CNTN4: variants seen among roughly 807,000 people sequenced by gnomAD.
The protein encoded by CNTN4 is contactin 4, also known as contactin-4.
A neutral mutation model predicts 122.5 loss-of-function variants in CNTN4; 77 were observed. The ratio of observed to expected loss-of-function variants is 0.63; its 90% CI spans 0.52 to 0.76. The LOEUF (loss-of-function observed/expected upper bound fraction) is 0.76, where lower values mean the gene tolerates loss of function less well. Among genes scored for constraint, CNTN4 ranks in the 30% least tolerant of loss-of-function variants. The pLI is 0.00. For synonymous variants in CNTN4, 512 were observed against 447.0 expected, an observed-to-expected ratio of 1.15 and a Z score of -1.83; for missense variants, 1,256 against 1,259.1, an observed-to-expected ratio of 1.00 and a Z score of 0.04.
chr3:2,205,996 G>A (rs965405743), intron 2 of CNTN4, among the ~76,000 whole-genome samples: 3 of 152,072 alleles, frequency 2.0e-5, no homozygotes, highest in Non-Finnish European at 4.4e-5. Flanking sequence ...ATACTCGGAA[G>A]GGTATTCCAG....
At chr3:2,375,560 G>A (rs187770919) in intron 3 of CNTN4, among the ~76,000 whole-genome samples, 47 of 152,290 alleles carry the variant, frequency 3.1e-4, no homozygotes, top group Admixed American at 1.2e-3. Flanking sequence ...GGCAATGGAG[G>A]AGGCAGGTGA....
chr3:2,844,400 A>C (rs997677771), intron 7 of CNTN4, among the ~76,000 whole-genome samples: 10 of 152,210 alleles, frequency 6.6e-5, no homozygotes, highest in African/African-American at 2.4e-4. Context: ...AGTAGAATGA[A>C]TATGTAATAT....
chr3:2,409,198 G>A (rs527924045), intron 3 of CNTN4, among the ~76,000 whole-genome samples: 11 of 149,032 alleles, frequency 7.4e-5, no homozygotes, highest in Middle Eastern at 7.1e-3. Context: ...TAATAAAAAC[G>A]TTTGTTACTT....
At chr3:2,550,054 G>T (rs1177251990) in intron 3 of CNTN4, among the ~76,000 whole-genome samples, 3 of 151,866 alleles carry the variant, frequency 2.0e-5, no homozygotes, top group Non-Finnish European at 4.4e-5. Flanking sequence ...CATCCCCTTG[G>T]TCATTTTTTA....
rs114268421 is a variant in CNTN4 at position 2,435,530 on chromosome 3, G to T, written c.-89+96297G>T. ...TATTAGGGAGAGGCCAACTGTATAA[G>T]CTGTATACAATCTGTAATAGTGACC... is the stretch of plus-strand genomic sequence containing the variant. On this transcript the variant is annotated intron_variant, in intron 3 of 24. Coordinates refer to ENST00000418658, the MANE Select transcript of CNTN4 (RefSeq NM_175607.3). Among the ~76,000 whole-genome samples, 499 of 152,216 alleles carry T rather than the reference G, an allele frequency of 3.3e-3. 2 individuals carry two copies. Among genetic ancestry groups the T allele is most frequent in the African/African-American group, 0.012 (479 of 41,534 alleles).
At chr3:2,749,823 T>A (rs1195741537) in intron 6 of CNTN4, among the ~76,000 whole-genome samples, 2 of 152,236 alleles carry the variant, frequency 1.3e-5, no homozygotes, top group African/African-American at 4.8e-5. Flanking sequence ...AGACATTGCC[T>A]ATATTCAGAA....
intron 3 of CNTN4, among the ~76,000 whole-genome samples, chr3:2,519,455 A>G (rs2077134995): frequency 6.6e-6 from 1 of 152,212 alleles, no homozygotes; most frequent in Non-Finnish European, 1.5e-5. Context: ...GTCTAGGGAT[A>G]GAATCTAGAA....
chr3:2,975,932 AAATTCT>A (rs1221815176), intron 13 of CNTN4, among the ~76,000 whole-genome samples: 1 of 152,184 alleles, frequency 6.6e-6, no homozygotes, highest in Non-Finnish European at 1.5e-5. Context: ...CTCAGGTCCT[AAATTCT>A]CAGAAGAAAG....
At chr3:2,916,803 A>G (rs567128148) in intron 12 of CNTN4, among the ~76,000 whole-genome samples, 110 of 150,244 alleles carry the variant, frequency 7.3e-4, no homozygotes, top group South Asian at 4.9e-3. Flanking sequence ...CCCACCTCCC[A>G]GACGGGGCCG....
intron 2 of CNTN4, among the ~76,000 whole-genome samples, chr3:2,138,172 T>G (rs1290112857): frequency 6.6e-6 from 1 of 151,880 alleles, no homozygotes; most frequent in Admixed American, 6.6e-5. Context: ...GTTCAAGTGA[T>G]TCTCCTGCCT....
chr3:2,520,566 A>C (rs950330406), intron 3 of CNTN4, among the ~76,000 whole-genome samples: 5 of 151,932 alleles, frequency 3.3e-5, no homozygotes, highest in African/African-American at 1.2e-4. Context: ...GAGTCACCAC[A>C]TCCAGCCCTT....
chr3:2,183,067 CATT>C (rs1407435952), intron 2 of CNTN4, among the ~76,000 whole-genome samples: 1 of 152,108 alleles, frequency 6.6e-6, no homozygotes, highest in Non-Finnish European at 1.5e-5. Flanking sequence ...CAATAACTAA[CATT>C]ATACATTCAG....
intron 2 of CNTN4, among the ~76,000 whole-genome samples, chr3:2,238,288 T>G (rs1490270417): frequency 6.6e-6 from 1 of 152,108 alleles, no homozygotes; most frequent in African/African-American, 2.4e-5. Flanking sequence ...CTTTTCCTTA[T>G]GAATTATGGA....
chr3:2,442,693 T>C (rs894433052), intron 3 of CNTN4, among the ~76,000 whole-genome samples: 1 of 152,172 alleles, frequency 6.6e-6, no homozygotes, highest in African/African-American at 2.4e-5. Context: ...TTTTATTCTA[T>C]TATGTGGACC....
rs527618154 is a variant in CNTN4 at position 2,233,780 on chromosome 3, TATA to T, written c.-144-105393_-144-105391del. Among the ~76,000 whole-genome samples, 234 of 152,288 alleles carry T rather than the reference TATA, an allele frequency of 1.5e-3. 2 individuals carry two copies. The highest frequency in any genetic ancestry group is 5.3e-3 in the African/African-American group (222 of 41,562). ...TAATTTTGTGGATGAAGAAGTTCAT[TATA>T]ATAAGTAAAGACTTTTCTAAGAAAG... is the stretch of plus-strand genomic sequence containing the variant. On this transcript the variant is annotated intron_variant, in intron 2 of 24. Transcript: ENST00000418658.
At chr3:3,013,369 A>G (rs1035072685) in intron 14 of CNTN4, among the ~76,000 whole-genome samples, 11 of 152,144 alleles carry the variant, frequency 7.2e-5, no homozygotes, top group African/African-American at 2.7e-4. Context: ...AGCAAAAGCT[A>G]GGTTAGTATC....
intron 3 of CNTN4, among the ~76,000 whole-genome samples, chr3:2,381,000 G>GT (rs1241858195): frequency 2.0e-5 from 3 of 150,154 alleles, no homozygotes; most frequent in South Asian, 4.2e-4. Context: ...GTTTTGTTTT[G>GT]TTTTTTTCTT....
intron 12 of CNTN4, among the ~76,000 whole-genome samples, chr3:2,914,008 G>A (rs113052750): frequency 2.4e-4 from 36 of 152,218 alleles, no homozygotes; most frequent in African/African-American, 8.7e-4. Flanking sequence ...GAGGAAAAAC[G>A]GGAAATCCAC....
intron 3 of CNTN4, among the ~76,000 whole-genome samples, chr3:2,508,653 G>A (rs577555413): frequency 6.6e-6 from 1 of 152,242 alleles, no homozygotes; most frequent in East Asian, 1.9e-4. Context: ...AAGAGATGCC[G>A]TTTCTTGCTG....
Sources: gnomAD v4.1 joint callset for allele counts (sites outside exome capture counted in the v4.1 genomes callset) on GRCh38, gnomAD v4.1.1 for gene constraint, MANE v1.5 for transcripts, NCBI Gene and HGNC (gene_info 2026-07-23, HGNC 2026-07-21) for gene names.